LRRIQ1: variants seen among roughly 807,000 people sequenced by gnomAD.
LRRIQ1 encodes the protein leucine rich repeats and IQ motif containing 1.
In LRRIQ1, 210 loss-of-function variants were observed where a neutral mutation model predicts 211.9. The observed-to-expected ratio is 0.99, with a 90% CI of 0.89 to 1.11. The LOEUF (loss-of-function observed/expected upper bound fraction) is 1.11, where lower values mean the gene tolerates loss of function less well. Ranked by LOEUF, LRRIQ1 falls within the 50% of genes most tolerant of loss-of-function variation. The pLI is 0.00. For synonymous variants in LRRIQ1, 699 were observed against 650.1 expected (o/e 1.08, Z -1.14); for missense variants, 2,136 against 1,939.5 (o/e 1.10, Z -1.90).
intron 11 of LRRIQ1, among the ~76,000 whole-genome samples, chr12:85,077,746 C>T (rs1289956788): frequency 6.6e-6 from 1 of 152,000 alleles, no homozygotes; most frequent in Non-Finnish European, 1.5e-5. Flanking sequence ...CCAAGCTGGG[C>T]AGATGGCTTG....
chr12:85,040,563 A>G lies in LRRIQ1; in HGVS notation c.206A>G (p.Glu69Gly). 1.2e-6 allele frequency: 2 copies of G among 1,601,208 alleles called. No individual in the cohort carries two copies. Among genetic ancestry groups the G allele is most frequent in the Non-Finnish European group, 1.7e-6 (2 of 1,172,256 alleles). Residue 69 changes from glutamate (E) to glycine (G), a missense_variant, in exon 3 of 27, where the codon GAG (glutamate) becomes GGG (glycine). Transcript: ENST00000393217. ...IIKNRSKAVEELILQDLEDTD... is the reference protein window; with the variant it reads ...IIKNRSKAVEGLILQDLEDTD... ...AAGAACAGGAGTAAAGCTGTTGAAGAGCTCATTCTTCAGGACCTGGAAGAT... is the reference window on the plus strand; with the variant it reads ...AAGAACAGGAGTAAAGCTGTTGAAGGGCTCATTCTTCAGGACCTGGAAGAT...
At chr12:85,055,469 A>T (rs1338454208) in intron 7 of LRRIQ1, 78 bp from the exon 8 acceptor site, 12 of 1,159,312 alleles carry the variant, frequency 1.0e-5, no homozygotes, top group Non-Finnish European at 1.3e-5. Context: ...TTTGTTTTCA[A>T]TCTACATTTC....
intron 25 of LRRIQ1, among the ~76,000 whole-genome samples, chr12:85,231,411 C>A (rs1337090283): frequency 1.3e-5 from 2 of 152,038 alleles, no homozygotes; most frequent in Non-Finnish European, 2.9e-5. Context: ...ACTAAGTATT[C>A]AAATTAATGT....
chr12:85,168,475 A>G (rs145720283), intron 24 of LRRIQ1, among the ~76,000 whole-genome samples: 5 of 152,276 alleles, frequency 3.3e-5, no homozygotes, highest in African/African-American at 1.2e-4. Context: ...CTTCCAGTTT[A>G]ATGGAATTAT....
chr12:85,106,388 A>G, intron 14 of LRRIQ1, 134 bp from the exon 15 acceptor site: 3 of 627,210 alleles, frequency 4.8e-6, no homozygotes, highest in South Asian at 2.1e-5. Flanking sequence ...TTTAAAAAGC[A>G]TATAGCATTC....
intron 15 of LRRIQ1, among the ~76,000 whole-genome samples, chr12:85,119,604 T>C (rs1017757920): frequency 2.6e-5 from 4 of 152,208 alleles, no homozygotes; most frequent in Non-Finnish European, 5.9e-5. Flanking sequence ...CCAAAGTGGC[T>C]GTACCATTTT....
intron 1 of LRRIQ1, among the ~76,000 whole-genome samples, chr12:85,257,591 G>T (rs117978511): frequency 1.3e-5 from 2 of 151,660 alleles, no homozygotes; most frequent in East Asian, 3.9e-4. Flanking sequence ...ACACCCAATA[G>T]GTATTAACTA....
At chr12:85,191,979 T>G (rs1892535806) in intron 24 of LRRIQ1, among the ~76,000 whole-genome samples, 1 of 151,944 alleles carries the variant, frequency 6.6e-6, no homozygotes, top group South Asian at 2.1e-4. Flanking sequence ...GTTTTCTAAT[T>G]GTTGAGTTAA....
intron 11 of LRRIQ1, among the ~76,000 whole-genome samples, chr12:85,088,620 G>A (rs572059472): frequency 2.6e-5 from 4 of 151,940 alleles, no homozygotes; most frequent in Admixed American, 1.3e-4. Context: ...CTTTTATTTC[G>A]TTGAGTAGTG....
chr12:85,188,118 T>A (rs1336341210), intron 24 of LRRIQ1, among the ~76,000 whole-genome samples: 2 of 151,096 alleles, frequency 1.3e-5, no homozygotes, highest in African/African-American at 4.9e-5. Context: ...GTACTTAGAA[T>A]AAGCCTGGCA....
At chr12:85,076,977 G>A (rs1270848287) in intron 11 of LRRIQ1, among the ~76,000 whole-genome samples, 1 of 152,100 alleles carries the variant, frequency 6.6e-6, no homozygotes, top group African/African-American at 2.4e-5. Context: ...CAAGTTTCCT[G>A]ATTCCTGTTT....
chr12:85,077,619 A>G (rs10506911), intron 11 of LRRIQ1, among the ~76,000 whole-genome samples: 13,442 of 152,156 alleles, frequency 0.088, 871 homozygotes, highest in East Asian at 0.23. Context: ...TATTTTACTC[A>G]GTTGTCAGCC....
chr12:85,250,295 A>C (rs1464984840), intron 1 of LRRIQ1, among the ~76,000 whole-genome samples: 5 of 151,908 alleles, frequency 3.3e-5, no homozygotes, highest in Non-Finnish European at 7.4e-5. Flanking sequence ...AGAGCTTTGC[A>C]AAACCCTGGC....
intron 23 of LRRIQ1, among the ~76,000 whole-genome samples, chr12:85,155,229 A>C (rs535289008): frequency 6.6e-6 from 1 of 151,680 alleles, no homozygotes; most frequent in Non-Finnish European, 1.5e-5. Flanking sequence ...ATTGAGTAGT[A>C]AATTTTTTCA....
chr12:85,188,383 G>C (rs1012547596), intron 24 of LRRIQ1, among the ~76,000 whole-genome samples: 5 of 152,058 alleles, frequency 3.3e-5, no homozygotes, highest in African/African-American at 1.2e-4. Flanking sequence ...TCTGAACACA[G>C]AATGCATAAA....
chr12:85,123,942 T>C, intron 16 of LRRIQ1, 128 bp from the exon 17 acceptor site: 1 of 638,046 alleles, frequency 1.6e-6, no homozygotes, highest in South Asian at 2.1e-5. Context: ...AGAAATAATC[T>C]ATAATGAATG....
intron 7 of LRRIQ1, among the ~76,000 whole-genome samples, chr12:85,054,013 AT>A (rs1565789402): frequency 6.6e-6 from 1 of 152,244 alleles, no homozygotes; most frequent in Non-Finnish European, 1.5e-5. Context: ...CAATGTAAAG[AT>A]ATGACTTTGT....
intron 13 of LRRIQ1, among the ~76,000 whole-genome samples, chr12:85,103,038 T>A (rs1886507940): frequency 1.4e-5 from 2 of 147,828 alleles, no homozygotes; most frequent in Admixed American, 6.8e-5. Context: ...GCTGGCTTCA[T>A]TTAATTTCCA....
intron 15 of LRRIQ1, among the ~76,000 whole-genome samples, chr12:85,120,797 TAACTATCA>T (rs1347564368): frequency 2.0e-5 from 3 of 152,094 alleles, no homozygotes; most frequent in Non-Finnish European, 4.4e-5. Flanking sequence ...TTTTCCCCTG[TAACTATCA>T]GCAGCCTGGT....
Sources: allele counts gnomAD v4.1 joint callset (sites outside exome capture counted in the v4.1 genomes callset), GRCh38; gene constraint gnomAD v4.1.1; transcripts MANE v1.5; gene names NCBI Gene and HGNC (gene_info 2026-07-23, HGNC 2026-07-21).